The following GALNT13 variants were observed in gnomAD, a reference collection of about 807,000 sequenced individuals.
GALNT13 encodes UDP-GalNAc:polypeptide N-acetylgalactosaminyltransferase 13.
GALNT13 carries 28 observed loss-of-function variants against 64.2 expected under a neutral mutation model. That is an observed-to-expected ratio of 0.44 (90% CI 0.32 to 0.60). The LOEUF is 0.60. GALNT13 is among the 20% of genes least tolerant of loss of function. The probability of loss-of-function intolerance (pLI) is 0.05; values close to 1 mark genes in which losing one functional copy is unlikely to be tolerated. For missense variants in GALNT13, 577 were observed against 669.8 expected (o/e 0.86, Z 1.53); for synonymous variants, 214 against 224.6 (o/e 0.95, Z 0.42).
intron 4 of GALNT13, among the ~76,000 whole-genome samples, chr2:154,220,890 C>G (rs1688290837): frequency 6.6e-6 from 1 of 152,014 alleles, no homozygotes; most frequent in Non-Finnish European, 1.5e-5. Context: ...AAATACTTGT[C>G]CTAATTCTCC....
chr2:153,782,757 C>G, the GALNT13 span, among the ~76,000 whole-genome samples: 3 of 152,178 alleles, frequency 2.0e-5, no homozygotes, highest in Admixed American at 6.5e-5. Flanking sequence ...CCAATCCTAT[C>G]AACACCTTGA....
At chr2:154,108,711 A>G (rs535408976) in intron 3 of GALNT13, among the ~76,000 whole-genome samples, 36 of 152,122 alleles carry the variant, frequency 2.4e-4, no homozygotes, top group Non-Finnish European at 5.0e-4. Flanking sequence ...TTTTAGTTGA[A>G]CAATTTCTGG....
intron 3 of GALNT13, among the ~76,000 whole-genome samples, chr2:154,109,052 G>C (rs1161667608): frequency 6.6e-6 from 1 of 151,894 alleles, no homozygotes; most frequent in Non-Finnish European, 1.5e-5. Context: ...TGTAAATTAG[G>C]CTTAATTGTA....
In GALNT13 at chr2:153,993,637, A is replaced by G. The variant is rs182341438; in HGVS notation, c.142+48998A>G. Among the ~76,000 whole-genome samples the G allele has an allele frequency of 2.8e-4, 40 of 143,576 alleles. 1 individual carries two copies. Among genetic ancestry groups the G allele is most frequent in the African/African-American group, 9.3e-4 (36 of 38,616 alleles). 94.2% of individuals were successfully genotyped at this position (143,576 alleles called of 152,430 possible). A position where few individuals can be genotyped will look rare whatever the true frequency, so the allele number is the denominator to read the frequency against. On this transcript the variant is annotated intron_variant, in intron 3 of 12. Transcript: ENST00000392825. ...TGTGAACTTGGGAGGCGAAGCTTGCATTGAGCCGAGATCGTGCCACTGTAC... is the reference window on the plus strand; with the variant it reads ...TGTGAACTTGGGAGGCGAAGCTTGCGTTGAGCCGAGATCGTGCCACTGTAC...
chr2:154,232,893 T>C (rs1229819077), intron 4 of GALNT13, among the ~76,000 whole-genome samples: 1 of 149,092 alleles, frequency 6.7e-6, no homozygotes, highest in African/African-American at 2.5e-5. Context: ...ATTACAAAAA[T>C]AAGTCGGGAG....
At chr2:153,499,565 GC>G in the GALNT13 span, among the ~76,000 whole-genome samples, 1 of 152,160 alleles carries the variant, frequency 6.6e-6, no homozygotes, top group African/African-American at 2.4e-5. Flanking sequence ...CGTCCATGAT[GC>G]CCAGGCTTTT....
chr2:154,142,127 A>G (rs1262588501), intron 4 of GALNT13, among the ~76,000 whole-genome samples: 2 of 152,216 alleles, frequency 1.3e-5, no homozygotes, highest in Non-Finnish European at 2.9e-5. Flanking sequence ...TTTTCTCTAC[A>G]TGCAATAGAA....
rs569565474 is a variant in GALNT13 at position 154,361,433 on chromosome 2, A to T, written c.1157-34558A>T. 5.3e-5 allele frequency among the ~76,000 whole-genome samples: 8 copies of T among 152,204 alleles called. No individual in the cohort carries two copies. In the East Asian group the frequency reaches 1.5e-3, roughly 29 times the overall value. On this transcript the variant is annotated intron_variant, in intron 9 of 12. Transcript: ENST00000392825. ...CTTTCAGCCAAAACCTTTTGGAGTG[A>T]TCTTATGACTTTGTGATTCAAGGCT...
At position 154,139,621 on chromosome 2, in the gene GALNT13, AACACAC is replaced by A. The variant is rs59526662; in HGVS notation, c.143-689_143-684del. Among the ~76,000 whole-genome samples, 85 of 147,520 alleles carry A rather than the reference AACACAC, an allele frequency of 5.8e-4. 1 individual carries two copies. Among genetic ancestry groups the A allele is most frequent in the African/African-American group, 1.5e-3 (61 of 40,150 alleles). On this transcript the variant is annotated intron_variant, in intron 3 of 12. Transcript: ENST00000392825. ...AGCATGCATACAGGTATGTGTAGGC[AACACAC>A]ACACACACACACACACACACACACA...
At chr2:153,805,280 A>G in the GALNT13 span, among the ~76,000 whole-genome samples, 1 of 152,186 alleles carries the variant, frequency 6.6e-6, no homozygotes, top group Non-Finnish European at 1.5e-5. Context: ...GTAACATATA[A>G]TGAAAAGAAT....
At chr2:153,708,632 A>G in the GALNT13 span, among the ~76,000 whole-genome samples, 1 of 152,164 alleles carries the variant, frequency 6.6e-6, no homozygotes, top group Non-Finnish European at 1.5e-5. Flanking sequence ...TTGAAGACCC[A>G]AAGAGATTTT....
the GALNT13 span, among the ~76,000 whole-genome samples, chr2:153,118,294 A>C: frequency 6.6e-6 from 1 of 152,162 alleles, no homozygotes; most frequent in Non-Finnish European, 1.5e-5. Context: ...AATTTCTTGC[A>C]ATGCACTGTG....
the GALNT13 span, among the ~76,000 whole-genome samples, chr2:153,524,321 C>CT: frequency 0.023 from 3,074 of 135,088 alleles, 60 homozygotes; most frequent in African/African-American, 0.052. Context: ...TATTCCTTCT[C>CT]TTTTTTTTTT....
At chr2:153,651,254 C>A in the GALNT13 span, among the ~76,000 whole-genome samples, 2 of 151,794 alleles carry the variant, frequency 1.3e-5, no homozygotes, top group Non-Finnish European at 2.9e-5. Flanking sequence ...TTGATAGGGA[C>A]CAAAAGTGAG....
the GALNT13 span, among the ~76,000 whole-genome samples, chr2:153,266,892 AG>A: frequency 6.6e-6 from 1 of 152,144 alleles, no homozygotes; most frequent in Non-Finnish European, 1.5e-5. Flanking sequence ...TTACCCCAAA[AG>A]TCCAAGTCCA....
the GALNT13 span, among the ~76,000 whole-genome samples, chr2:153,228,381 A>AT: frequency 6.6e-6 from 1 of 152,120 alleles, no homozygotes; most frequent in South Asian, 2.1e-4. Context: ...CCTGCATTTA[A>AT]TTTTTTTTGG....
intron 9 of GALNT13, among the ~76,000 whole-genome samples, chr2:154,320,179 A>C (rs1224080884): frequency 6.6e-6 from 1 of 152,168 alleles, no homozygotes; most frequent in Admixed American, 6.5e-5. Flanking sequence ...GTACAATCAG[A>C]ACATATTTAT....
chr2:153,358,876 T>C, the GALNT13 span, among the ~76,000 whole-genome samples: 1 of 152,144 alleles, frequency 6.6e-6, no homozygotes, highest in African/African-American at 2.4e-5. Flanking sequence ...ATCTTGTAGC[T>C]GGTAGGACAC....
the GALNT13 span, among the ~76,000 whole-genome samples, chr2:153,483,354 A>T: frequency 1.3e-5 from 2 of 152,014 alleles, no homozygotes; most frequent in Non-Finnish European, 2.9e-5. Flanking sequence ...AGTGATAAAC[A>T]AACTGTGGTA....
Sources: allele counts gnomAD v4.1 joint callset (sites outside exome capture counted in the v4.1 genomes callset), GRCh38; gene constraint gnomAD v4.1.1; transcripts MANE v1.5; gene names NCBI Gene and HGNC (gene_info 2026-07-23, HGNC 2026-07-21).